Variants in DNAH5 observed in about 807,000 individuals in gnomAD.
The protein encoded by DNAH5 is dynein axonemal heavy chain 5.
DNAH5 carries 372 observed loss-of-function variants against 518.2 expected under a neutral mutation model. The observed-to-expected ratio is 0.72, with a 90% CI of 0.66 to 0.78. The LOEUF (loss-of-function observed/expected upper bound fraction) is 0.78, where lower values mean the gene tolerates loss of function less well. DNAH5 is among the 30% of genes least tolerant of loss of function. The pLI, the probability that DNAH5 is intolerant of heterozygous loss-of-function variation, is 0.00. For synonymous variants in DNAH5, 2,039 were observed against 2,025.9 expected (o/e 1.01, Z -0.17); for missense variants, 5,523 against 5,687.0 (o/e 0.97, Z 0.93).
Position 13,944,575 on chromosome 5 carries a change from G to T in DNAH5, c.-137C>A. 1 of 747,636 alleles carries T rather than the reference G, an allele frequency of 1.3e-6. No individual in the cohort carries two copies. The allele number at this position is 747,636 out of a possible 1,614,324, so 46.3% of individuals were successfully genotyped here. A position where few individuals can be genotyped will look rare whatever the true frequency, so the allele number is the denominator to read the frequency against. On this transcript the variant is annotated 5_prime_UTR_variant, in exon 1 of 79. Coordinates refer to ENST00000265104, the MANE Select transcript of DNAH5 (RefSeq NM_001369.3). ...TTACTTTCACGTTTCTAATTTGCAT[G>T]TATTATTCACTACATTCACAGAATA...
chr5:13,760,827 TAA>T (rs1429720526), intron 60 of DNAH5, among the ~76,000 whole-genome samples: 1 of 152,168 alleles, frequency 6.6e-6, no homozygotes, highest in East Asian at 1.9e-4. Context: ...GAAGGGAAGT[TAA>T]AGTCGTAGGT....
chr5:13,904,634 A>G (rs7702387), intron 12 of DNAH5, among the ~76,000 whole-genome samples: 12,678 of 152,054 alleles, frequency 0.083, 1,337 homozygotes, highest in African/African-American at 0.25. Flanking sequence ...TAGTAGGCCA[A>G]GTACAGTGGC....
intron 1 of DNAH5, among the ~76,000 whole-genome samples, chr5:14,004,632 T>C (rs981139786): frequency 8.5e-5 from 13 of 152,212 alleles, no homozygotes; most frequent in African/African-American, 3.1e-4. Flanking sequence ...GCCTCTGCAT[T>C]TTCATCATTG....
intron 32 of DNAH5, among the ~76,000 whole-genome samples, chr5:13,843,894 A>C (rs1159457280): frequency 6.6e-6 from 1 of 151,806 alleles, no homozygotes; most frequent in Non-Finnish European, 1.5e-5. Flanking sequence ...TTCAAGTCCA[A>C]AATTATCAGC....
rs541631905 is a variant in DNAH5 at position 13,809,176 on chromosome 5, C to T, written c.7620G>A (p.Thr2540=). 33 of 1,614,050 alleles carry T rather than the reference C, an allele frequency of 2.0e-5. No individual in the cohort carries two copies. Among genetic ancestry groups the T allele is most frequent in the South Asian group, 1.9e-4 (17 of 91,084 alleles). The change falls in exon 46 of 79, where the codon ACG becomes ACA. Residue 2540 remains threonine (T), a synonymous_variant. Coordinates refer to ENST00000265104, the MANE Select transcript of DNAH5 (RefSeq NM_001369.3). ...DYYVAPDGTW[T]HWNTRTQEYL... ...ATTCCTGGGTACGCGTGTTCCAGTG[C>T]GTCCATGTACCTAAGGTGAGCAGAG...
intron 1 of DNAH5, among the ~76,000 whole-genome samples, chr5:13,942,990 A>G (rs1345132101): frequency 6.6e-6 from 1 of 152,230 alleles, no homozygotes; most frequent in East Asian, 1.9e-4. Context: ...CAATACTATT[A>G]AGGTAATTCT....
At chr5:13,838,918 C>G (rs1419923802) in intron 35 of DNAH5, among the ~76,000 whole-genome samples, 1 of 151,642 alleles carries the variant, frequency 6.6e-6, no homozygotes, top group Non-Finnish European at 1.5e-5. Context: ...AGTTAACACT[C>G]TGGAGGCCTT....
intron 60 of DNAH5, among the ~76,000 whole-genome samples, chr5:13,762,145 C>CA (rs2126742581): frequency 6.6e-6 from 1 of 152,204 alleles, no homozygotes; most frequent in African/African-American, 2.4e-5. Flanking sequence ...GAGGAATATG[C>CA]AAAAATGAAG....
At position 13,840,302 on chromosome 5, in the gene DNAH5, T is replaced by G. The variant is rs74824812; in HGVS notation, c.5709+604A>C. Among the ~76,000 whole-genome samples the G allele has an allele frequency of 1.0e-2, 1,508 of 151,512 alleles. 28 individuals are homozygous for G. Among genetic ancestry groups the G allele is most frequent in the African/African-American group, 0.032 (1,333 of 41,128 alleles). On this transcript the variant is annotated intron_variant, in intron 34 of 78. Coordinates refer to ENST00000265104, the MANE Select transcript of DNAH5 (RefSeq NM_001369.3). Reference sequence around the variant, plus strand: ...AATTATTATGAGAATAAGAGCTTTTTGCCTCTAATTTATTTTATAGTAGAG... The same window carrying G: ...AATTATTATGAGAATAAGAGCTTTTGGCCTCTAATTTATTTTATAGTAGAG...
chr5:13,912,360 T>C (rs760129622), intron 11 of DNAH5, among the ~76,000 whole-genome samples: 32 of 152,142 alleles, frequency 2.1e-4, no homozygotes, highest in Non-Finnish European at 4.1e-4. Context: ...TAAAACAACC[T>C]ACTTTTTCAT....
Position 13,691,689 on chromosome 5 carries a change from G to A in DNAH5, c.*295C>T, listed in dbSNP as rs963719711. On this transcript the variant is annotated 3_prime_UTR_variant, in exon 79 of 79. Coordinates refer to ENST00000265104, the MANE Select transcript of DNAH5 (RefSeq NM_001369.3). Reference sequence around the variant, plus strand: ...TGTCTGCTTACCCTAGTCAGTCTTCGGAGCGAAGTAAGAAGAAAATATACT... The same window carrying A: ...TGTCTGCTTACCCTAGTCAGTCTTCAGAGCGAAGTAAGAAGAAAATATACT... 4.6e-5 allele frequency: 17 copies of A among 371,320 alleles called. No homozygotes were observed. Among genetic ancestry groups the A allele is most frequent in the African/African-American group, 1.2e-4 (6 of 48,050 alleles). The allele number at this position is 371,320 out of a possible 1,614,324, so 23.0% of individuals were successfully genotyped here. A position where few individuals can be genotyped will look rare whatever the true frequency, so the allele number is the denominator to read the frequency against.
intron 76 of DNAH5, among the ~76,000 whole-genome samples, chr5:13,706,477 G>T (rs1742805130): frequency 6.6e-6 from 1 of 152,118 alleles, no homozygotes; most frequent in African/African-American, 2.4e-5. Flanking sequence ...CCAAGAAATA[G>T]GTTATAGAAG....
At chr5:13,871,892 A>G in intron 22 of DNAH5, 127 bp from the exon 23 acceptor site, 1 of 864,178 alleles carries the variant, frequency 1.2e-6, no homozygotes, top group South Asian at 1.5e-5. Flanking sequence ...CTGTGTGATT[A>G]TCTGGAAATG....
chr5:13,837,560 C>G (rs1278326677), intron 35 of DNAH5, among the ~76,000 whole-genome samples: 1 of 144,680 alleles, frequency 6.9e-6, no homozygotes, highest in South Asian at 2.2e-4. Flanking sequence ...TCTATCTTCT[C>G]AAAAAAAAAA....
intron 23 of DNAH5, 90 bp downstream of exon 23, chr5:13,871,474 C>T: frequency 8.6e-7 from 1 of 1,162,422 alleles, no homozygotes. Flanking sequence ...ATCTTTAAGA[C>T]AGGTAGAACT....
At chr5:13,806,416 T>C (rs1230123338) in intron 47 of DNAH5, among the ~76,000 whole-genome samples, 1 of 152,202 alleles carries the variant, frequency 6.6e-6, no homozygotes, top group South Asian at 2.1e-4. Flanking sequence ...GTTTAATCAA[T>C]GATCTTAGTG....
At chr5:14,005,244 T>C (rs1480758134) in intron 1 of DNAH5, among the ~76,000 whole-genome samples, 1 of 152,132 alleles carries the variant, frequency 6.6e-6, no homozygotes, top group Non-Finnish European at 1.5e-5. Context: ...CAGAAAACCC[T>C]CTTTGACCCT....
intron 31 of DNAH5, among the ~76,000 whole-genome samples, chr5:13,849,758 C>T (rs2591547): frequency 0.061 from 9,345 of 152,224 alleles, 304 homozygotes; most frequent in African/African-American, 0.078. Context: ...ATCCACATTG[C>T]TTACAAGTAC....
intron 53 of DNAH5, among the ~76,000 whole-genome samples, chr5:13,779,579 T>C (rs1754786667): frequency 6.6e-6 from 1 of 152,222 alleles, no homozygotes; most frequent in South Asian, 2.1e-4. Flanking sequence ...GGTTCTAACC[T>C]TATCTTGGTT....
Sources: gnomAD v4.1 joint callset for allele counts (sites outside exome capture counted in the v4.1 genomes callset) on GRCh38, gnomAD v4.1.1 for gene constraint, MANE v1.5 for transcripts, NCBI Gene and HGNC (gene_info 2026-07-23, HGNC 2026-07-21) for gene names.